The following KIF1A variants were observed in gnomAD, a reference collection of about 807,000 sequenced individuals.
KIF1A encodes kinesin family member 1A.
KIF1A carries 46 observed loss-of-function variants against 227.3 expected under a neutral mutation model. The ratio of observed to expected loss-of-function variants is 0.20; its 90% CI spans 0.16 to 0.26. The LOEUF (loss-of-function observed/expected upper bound fraction) is 0.26. Among genes scored for constraint, KIF1A ranks in the 10% least tolerant of loss-of-function variants. KIF1A has a pLI of 1.00. For synonymous variants in KIF1A, 1,022 were observed against 1,012.8 expected, an observed-to-expected ratio of 1.01 and a Z score of -0.17; for missense variants, 1,683 against 2,485.9, an observed-to-expected ratio of 0.68 and a Z score of 6.87.
intron 10 of KIF1A, among the ~76,000 whole-genome samples, chr2:240,782,388 C>A (rs893822366): frequency 1.3e-5 from 2 of 152,158 alleles, no homozygotes. Context: ...GAGGCCGCCC[C>A]GGACGCCCTC....
intron 24 of KIF1A, 109 bp downstream of exon 24, chr2:240,761,120 C>G: frequency 7.5e-7 from 1 of 1,336,678 alleles, no homozygotes; most frequent in Non-Finnish European, 1.0e-6. Flanking sequence ...CTATGCCACC[C>G]CCGGGGCCGG....
At chr2:240,772,106 C>A (rs1410564637) in intron 14 of KIF1A, among the ~76,000 whole-genome samples, 1 of 152,172 alleles carries the variant, frequency 6.6e-6, no homozygotes, top group Admixed American at 6.5e-5. Flanking sequence ...GAGTTGAGGG[C>A]CTGGGCGTGG....
In KIF1A at chr2:240,766,444, C is replaced by T. The variant is rs1304558104; in HGVS notation, c.1684+471G>A. 6.6e-6 allele frequency among the ~76,000 whole-genome samples: 1 copy of T among 152,304 alleles called. No homozygotes were observed. Among genetic ancestry groups the T allele is most frequent in the African/African-American group, 2.4e-5 (1 of 41,564 alleles). Reference sequence around the variant, plus strand: ...AAACGGACAGATGGCCGCCCACAGCCAACAGGAAACCAAGGTCTGGAAATA... The same window carrying T: ...AAACGGACAGATGGCCGCCCACAGCTAACAGGAAACCAAGGTCTGGAAATA... On this transcript the variant is annotated intron_variant, in intron 19 of 48. Coordinates refer to ENST00000498729, the MANE Select transcript of KIF1A (RefSeq NM_001244008.2). The surrounding 1 kb of genome is among the most constrained non-coding windows in gnomAD (Gnocchi z 5.0).
chr2:240,773,755 T>C (rs2052336710), intron 12 of KIF1A, among the ~76,000 whole-genome samples: 1 of 152,184 alleles, frequency 6.6e-6, no homozygotes. Flanking sequence ...GAGAGACCAC[T>C]GACCCAAACA....
intron 28 of KIF1A, chr2:240,748,594 C>A: frequency 4.8e-6 from 1 of 210,016 alleles, no homozygotes; most frequent in Non-Finnish European, 1.1e-5. Context: ...GGTGGCACCT[C>A]CTGGAGGGGA....
At position 240,716,194 on chromosome 2, in the gene KIF1A, C is replaced by G. The variant is rs1295765155; in HGVS notation, c.*1170G>C. 6.6e-6 allele frequency: 1 copy of G among 152,204 alleles called. No homozygotes were observed. The highest frequency in any genetic ancestry group is 1.5e-5 in the Non-Finnish European group (1 of 68,044). The allele number at this position is 152,204 out of a possible 1,614,324, so 9.4% of individuals were successfully genotyped here. On this transcript the variant is annotated 3_prime_UTR_variant, in exon 49 of 49. Coordinates refer to ENST00000498729, the MANE Select transcript of KIF1A (RefSeq NM_001244008.2). ...CCATTGCCGACCGACCAGGATACCC[C>G]CACCCCATGGGATTTTCTCAGTGGG...
intron 27 of KIF1A, among the ~76,000 whole-genome samples, chr2:240,751,018 C>T (rs899858697): frequency 2.0e-5 from 3 of 152,140 alleles, no homozygotes; most frequent in African/African-American, 4.8e-5. Context: ...GACAGAAACT[C>T]GGCAGGTGGG....
At chr2:240,754,946 G>C (rs970528875) in intron 27 of KIF1A, among the ~76,000 whole-genome samples, 9 of 152,124 alleles carry the variant, frequency 5.9e-5, no homozygotes, top group Non-Finnish European at 1.0e-4. Flanking sequence ...CCCAGCCCTA[G>C]ACACCTGCGC....
intron 1 of KIF1A, among the ~76,000 whole-genome samples, chr2:240,808,078 T>C (rs11687368): frequency 6.6e-6 from 1 of 152,040 alleles, no homozygotes; most frequent in Non-Finnish European, 1.5e-5. Flanking sequence ...ATTTCCTTTA[T>C]ATTCAGAAAC....
intron 6 of KIF1A, 101 bp from the exon 7 acceptor site, chr2:240,785,201 GT>G (rs1165520010): frequency 5.6e-5 from 54 of 960,606 alleles, no homozygotes; most frequent in Non-Finnish European, 6.3e-5. Context: ...GGGGGGGGCA[GT>G]TCCCCCAGAC....
At chr2:240,741,444 CAAG>C (rs1361046318) in intron 34 of KIF1A, 67 bp from the exon 35 acceptor site, 1 of 1,256,652 alleles carries the variant, frequency 8.0e-7, no homozygotes, top group East Asian at 2.7e-5. Context: ...AGGGCACACT[CAAG>C]GAGGAGATGC....
At chr2:240,768,099 C>T (rs993617767) in intron 17 of KIF1A, among the ~76,000 whole-genome samples, 2 of 152,194 alleles carry the variant, frequency 1.3e-5, no homozygotes, top group Admixed American at 1.3e-4. Flanking sequence ...GTGCACGTCT[C>T]GTGATTCCCA....
intron 1 of KIF1A, among the ~76,000 whole-genome samples, chr2:240,816,876 C>T (rs2058363938): frequency 6.6e-6 from 1 of 152,238 alleles, no homozygotes; most frequent in Non-Finnish European, 1.5e-5. Context: ...TGACTGTGCC[C>T]TCTGCCCCAC....
intron 27 of KIF1A, among the ~76,000 whole-genome samples, chr2:240,753,942 G>A (rs575781450): frequency 6.6e-6 from 1 of 152,160 alleles, no homozygotes; most frequent in African/African-American, 2.4e-5. Context: ...TAGGGCCAGG[G>A]TTGGCTTCCA....
chr2:240,787,339 A>G (rs2055071178), intron 4 of KIF1A, 23 bp from the exon 5 acceptor site: 1 of 1,609,262 alleles, frequency 6.2e-7, no homozygotes. Flanking sequence ...GGGGACAGTC[A>G]GCCAGGGAGG....
At chr2:240,773,005 G>T in intron 13 of KIF1A, 109 bp downstream of exon 13, 2 of 1,218,768 alleles carry the variant, frequency 1.6e-6, no homozygotes, top group Non-Finnish European at 2.3e-6. Flanking sequence ...ACAGCCCAGG[G>T]TGCAGCCAGC....
chr2:240,793,393 G>A lies in KIF1A; in HGVS notation c.107-4081C>T, dbSNP rs1205478730. Reference sequence around the variant, plus strand: ...CCCTCTAGCCAGTGTCACACAGCGAGTAAGTCATGAGCACAGCCAGGCCCC... The same window carrying A: ...CCCTCTAGCCAGTGTCACACAGCGAATAAGTCATGAGCACAGCCAGGCCCC... On this transcript the variant is annotated intron_variant, in intron 2 of 48. Transcript: ENST00000498729. The surrounding 1 kb of genome is among the most constrained non-coding windows in gnomAD (Gnocchi z 4.8). Among the ~76,000 whole-genome samples the A allele has an allele frequency of 1.3e-5, 2 of 152,226 alleles. No homozygotes were observed. The highest frequency in any genetic ancestry group is 4.8e-5 in the African/African-American group (2 of 41,450).
chr2:240,771,182 A>G lies in KIF1A; in HGVS notation c.1208-78T>C, dbSNP rs552955404. On this transcript the variant is annotated intron_variant, in intron 14 of 48. Coordinates refer to ENST00000498729, the MANE Select transcript of KIF1A (RefSeq NM_001244008.2). ...ATTGTTCTCAAGGTCGGACACGTCT[A>G]TGGGGAGGAGGGGTAGGGCGGGCAG... 38 of 1,554,098 alleles carry G rather than the reference A, an allele frequency of 2.4e-5. No individual in the cohort carries two copies. In the East Asian group the frequency reaches 8.0e-4, roughly 33 times the overall value.
chr2:240,760,566 G>C, intron 25 of KIF1A, 99 bp downstream of exon 25: 1 of 874,290 alleles, frequency 1.1e-6, no homozygotes, highest in Non-Finnish European at 1.6e-6. Context: ...GGTGTCTGCA[G>C]GTACTCGCTG....
Sources: gnomAD v4.1 joint callset for allele counts (sites outside exome capture counted in the v4.1 genomes callset) on GRCh38, gnomAD v4.1.1 for gene constraint, Gnocchi (gnomAD v3.1) non-coding constraint, MANE v1.5 for transcripts, NCBI Gene and HGNC (gene_info 2026-07-23, HGNC 2026-07-21) for gene names.